MDFIC2: variants seen among roughly 807,000 people sequenced by gnomAD.
The protein encoded by MDFIC2 is MyoD family inhibitor domain containing 2.
intron 2 of MDFIC2, among the ~76,000 whole-genome samples, chr3:70,260,828 C>G (rs1701859511): frequency 6.6e-6 from 1 of 152,040 alleles, no homozygotes; most frequent in Admixed American, 6.6e-5. Flanking sequence ...CATCTGCCCA[C>G]CCTTTTAAAA....
At chr3:70,263,021 TA>T (rs1043790808) in intron 2 of MDFIC2, among the ~76,000 whole-genome samples, 5 of 152,214 alleles carry the variant, frequency 3.3e-5, no homozygotes, top group Non-Finnish European at 5.9e-5. Context: ...TGCATTTCTC[TA>T]AAAATTTTAT....
intron 2 of MDFIC2, among the ~76,000 whole-genome samples, chr3:70,221,349 G>A (rs192269619): frequency 4.6e-5 from 7 of 152,168 alleles, no homozygotes; most frequent in Non-Finnish European, 1.0e-4. Flanking sequence ...GTTATTATAC[G>A]TTCAATTTTC....
At position 70,307,860 on chromosome 3, in the gene MDFIC2, G is replaced by A. The variant is rs114397773; in HGVS notation, c.88+4026C>T. On this transcript the variant is annotated intron_variant, in intron 2 of 3. Transcript: ENST00000567252. The stretch of plus-strand genomic sequence containing the variant: ...TTCTCACTTCATTTTGCATTATTCC[G>A]TATATGAATAATCAGCCAATATGCC... 7.6e-3 allele frequency among the ~76,000 whole-genome samples: 1,162 copies of A among 152,154 alleles called. 11 individuals are homozygous for A. Among genetic ancestry groups the A allele is most frequent in the African/African-American group, 0.026 (1,098 of 41,508 alleles).
intron 2 of MDFIC2, among the ~76,000 whole-genome samples, chr3:70,230,264 A>C (rs17006868): frequency 0.039 from 5,985 of 152,276 alleles, 185 homozygotes; most frequent in South Asian, 0.11. Context: ...ACATAGTTTA[A>C]CACCACCCAA....
chr3:70,263,835 C>T (rs1701890202), intron 2 of MDFIC2, among the ~76,000 whole-genome samples: 1 of 152,072 alleles, frequency 6.6e-6, no homozygotes, highest in Non-Finnish European at 1.5e-5. Flanking sequence ...TACTCCTAGG[C>T]AGAAGGTCTG....
At chr3:70,199,053 T>C (rs903549776) in intron 3 of MDFIC2, among the ~76,000 whole-genome samples, 6 of 152,162 alleles carry the variant, frequency 3.9e-5, no homozygotes, top group Non-Finnish European at 8.8e-5. Context: ...AATCTCCAAG[T>C]GAATACTCTG....
chr3:70,246,561 A>C (rs1220476951), intron 2 of MDFIC2, among the ~76,000 whole-genome samples: 1 of 152,128 alleles, frequency 6.6e-6, no homozygotes, highest in African/African-American at 2.4e-5. Context: ...CAGTTAAATA[A>C]TGAATCAGTT....
At chr3:70,255,434 T>G (rs532865127) in intron 2 of MDFIC2, among the ~76,000 whole-genome samples, 1 of 151,942 alleles carries the variant, frequency 6.6e-6, no homozygotes, top group Admixed American at 6.6e-5. Flanking sequence ...AATTTTTTTT[T>G]CTTCTTTATT....
intron 2 of MDFIC2, among the ~76,000 whole-genome samples, chr3:70,304,136 T>A (rs1330766903): frequency 2.6e-5 from 4 of 152,058 alleles, no homozygotes; most frequent in African/African-American, 7.2e-5. Flanking sequence ...CCAGCCAAGC[T>A]CTCTACACTC....
chr3:70,303,633 T>C (rs983568050), intron 2 of MDFIC2, among the ~76,000 whole-genome samples: 11 of 152,180 alleles, frequency 7.2e-5, no homozygotes, highest in Admixed American at 7.2e-4. Flanking sequence ...AGCTCCCTTT[T>C]AATATTGCTG....
At chr3:70,245,533 A>G (rs963274535) in intron 2 of MDFIC2, among the ~76,000 whole-genome samples, 10 of 151,416 alleles carry the variant, frequency 6.6e-5, no homozygotes, top group South Asian at 6.2e-4. Flanking sequence ...ATTCTGTACT[A>G]CTTACTTAAT....
chr3:70,219,056 TA>T (rs1189789314), intron 2 of MDFIC2, among the ~76,000 whole-genome samples: 50 of 152,130 alleles, frequency 3.3e-4, no homozygotes, highest in Non-Finnish European at 6.8e-4. Context: ...AAGGCAGGTT[TA>T]AAAAAATTAT....
At chr3:70,205,767 A>T (rs1371219631) in intron 3 of MDFIC2, 1 of 152,128 alleles carries the variant, frequency 6.6e-6, no homozygotes, top group African/African-American at 2.4e-5. Flanking sequence ...ATATGTATTT[A>T]AATGTAGACC....
At chr3:70,234,894 C>T (rs1701592812) in intron 2 of MDFIC2, among the ~76,000 whole-genome samples, 1 of 152,180 alleles carries the variant, frequency 6.6e-6, no homozygotes, top group South Asian at 2.1e-4. Context: ...TTTTTAAACG[C>T]TGCCTTGGAC....
chr3:70,302,085 C>G (rs1702354728), intron 2 of MDFIC2, among the ~76,000 whole-genome samples: 1 of 152,074 alleles, frequency 6.6e-6, no homozygotes, highest in African/African-American at 2.4e-5. Flanking sequence ...GAGTTGTCCT[C>G]TCTACTTTTT....
intron 2 of MDFIC2, among the ~76,000 whole-genome samples, chr3:70,285,040 A>T (rs186367415): frequency 6.8e-5 from 10 of 147,326 alleles, no homozygotes; most frequent in African/African-American, 2.5e-4. Context: ...TTTTTTACTT[A>T]TTTTTTTTTA....
At chr3:70,246,435 A>G (rs1701708858) in intron 2 of MDFIC2, among the ~76,000 whole-genome samples, 3 of 152,068 alleles carry the variant, frequency 2.0e-5, no homozygotes, top group African/African-American at 7.2e-5. Flanking sequence ...TGGTCCACTG[A>G]AACAACATAG....
At chr3:70,258,642 A>G (rs1701839754) in intron 2 of MDFIC2, among the ~76,000 whole-genome samples, 1 of 152,132 alleles carries the variant, frequency 6.6e-6, no homozygotes, top group East Asian at 1.9e-4. Flanking sequence ...CTCTCACACT[A>G]CTGGAAATTT....
chr3:70,204,172 G>A (rs1253669159), intron 3 of MDFIC2, among the ~76,000 whole-genome samples: 1 of 152,104 alleles, frequency 6.6e-6, no homozygotes, highest in Non-Finnish European at 1.5e-5. Context: ...CTATTACTAT[G>A]CACTCATTTA....
Sources: allele counts gnomAD v4.1 joint callset (sites outside exome capture counted in the v4.1 genomes callset), GRCh38; gene constraint gnomAD v4.1.1; transcripts MANE v1.5; gene names NCBI Gene and HGNC (gene_info 2026-07-23, HGNC 2026-07-21).